The following FBN2 variants were observed in gnomAD, a reference collection of about 807,000 sequenced individuals.
The protein encoded by FBN2 is fibrillin 2, also known as fibrillin-2.
Under a neutral mutation model 355.6 loss-of-function variants are expected in FBN2, and 105 were observed. The observed-to-expected ratio is 0.30, with a 90% confidence interval of 0.25 to 0.35. FBN2 has a LOEUF of 0.35. FBN2 is among the 10% of genes least tolerant of loss of function. The pLI is 1.00. For missense variants in FBN2, 3,280 were observed against 3,758.7 expected, an observed-to-expected ratio of 0.87 and a Z score of 3.33; for synonymous variants, 1,350 against 1,301.2, an observed-to-expected ratio of 1.04 and a Z score of -0.81.
rs772994944 is a variant in FBN2, at chr5:128,300,910, C to T, written c.6073G>A (p.Gly2025Ser). 3.0e-5 allele frequency: 48 copies of T among 1,613,314 alleles called. No homozygotes were observed. In the East Asian group the frequency reaches 6.0e-4, roughly 20 times the overall value. Residue 2025 changes from glycine (G) to serine (S), a missense_variant, in exon 48 of 65, where the codon GGC becomes AGC. By Grantham distance (56) the Gly-to-Ser change is moderately conservative (BLOSUM62 0). This residue lies in a region of FBN2 where 2,284 missense variants were observed against 2,749.5 expected (regional missense o/e 0.83). Transcript: ENST00000262464. ...TGACAGGTACCAGGAGAGCAAGAGC[C>T]GGGAAGGGCGACACACTCATTAGTG... ...IDTNECVALP[G>S]SCSPGTCQNL...
intron 5 of FBN2, among the ~76,000 whole-genome samples, chr5:128,492,622 G>T (rs1400082746): frequency 6.6e-6 from 1 of 151,994 alleles, no homozygotes; most frequent in East Asian, 1.9e-4. Context: ...TGCCAACATG[G>T]CTAGACCCTG....
At chr5:128,526,727 G>A (rs542604380) in intron 4 of FBN2, among the ~76,000 whole-genome samples, 1 of 152,214 alleles carries the variant, frequency 6.6e-6, no homozygotes, top group South Asian at 2.1e-4. Flanking sequence ...CGGGGCAGGG[G>A]AGAGGGAAAT....
At chr5:128,533,885 C>A (rs1344862568) in intron 2 of FBN2, among the ~76,000 whole-genome samples, 1 of 151,376 alleles carries the variant, frequency 6.6e-6, no homozygotes, top group Non-Finnish European at 1.5e-5. Flanking sequence ...GTGAGAAAGT[C>A]AATTCCGTAC....
intron 4 of FBN2, among the ~76,000 whole-genome samples, chr5:128,527,360 T>C (rs1756589051): frequency 6.6e-6 from 1 of 152,132 alleles, no homozygotes; most frequent in African/African-American, 2.4e-5. Flanking sequence ...CATCTGCTTT[T>C]TAAAAATCAT....
intron 18 of FBN2, among the ~76,000 whole-genome samples, chr5:128,363,498 A>C (rs1164467834): frequency 6.6e-6 from 1 of 152,106 alleles, no homozygotes; most frequent in Non-Finnish European, 1.5e-5. Context: ...CTTGCATCAC[A>C]ATTTTTTAAC....
intron 11 of FBN2, among the ~76,000 whole-genome samples, chr5:128,381,539 T>C (rs1054927010): frequency 1.3e-5 from 2 of 152,150 alleles, no homozygotes; most frequent in African/African-American, 4.8e-5. Context: ...ATGTGTTGTT[T>C]ATAAATTCAA....
chr5:128,391,238 T>C (rs1752501863), intron 11 of FBN2, among the ~76,000 whole-genome samples: 1 of 152,134 alleles, frequency 6.6e-6, no homozygotes, highest in Admixed American at 6.5e-5. Flanking sequence ...ATATTCCTCT[T>C]CTTTTCCATC....
At chr5:128,321,464 G>A (rs1750372204) in intron 34 of FBN2, among the ~76,000 whole-genome samples, 1 of 151,978 alleles carries the variant, frequency 6.6e-6, no homozygotes, top group Admixed American at 6.6e-5. Context: ...CCTCCGACAG[G>A]CCCCAGTGTG....
At chr5:128,329,577 C>T (rs1019246065) in intron 33 of FBN2, among the ~76,000 whole-genome samples, 7 of 152,108 alleles carry the variant, frequency 4.6e-5, no homozygotes, top group Admixed American at 1.3e-4. Context: ...GTTGACTGAG[C>T]CAGGATCTGA....
chr5:128,475,066 G>A (rs1754974362), intron 5 of FBN2, among the ~76,000 whole-genome samples: 1 of 152,124 alleles, frequency 6.6e-6, no homozygotes, highest in East Asian at 1.9e-4. Context: ...GCCCAGTGGT[G>A]GTGGTGGTAG....
chr5:128,423,683 G>C (rs1226209906), intron 7 of FBN2, among the ~76,000 whole-genome samples: 2 of 152,152 alleles, frequency 1.3e-5, no homozygotes, highest in African/African-American at 2.4e-5. Context: ...AGTTAGGCTG[G>C]AGAGGTAAAC....
chr5:128,364,958 A>C (rs1323420736), intron 17 of FBN2, among the ~76,000 whole-genome samples: 1 of 152,208 alleles, frequency 6.6e-6, no homozygotes, highest in Non-Finnish European at 1.5e-5. Flanking sequence ...GCTGGCAGAA[A>C]TTCAAAGAGT....
chr5:128,493,331 G>A (rs968523692), intron 5 of FBN2, among the ~76,000 whole-genome samples: 2 of 152,146 alleles, frequency 1.3e-5, no homozygotes, highest in African/African-American at 4.8e-5. Flanking sequence ...TACTGTGGCT[G>A]GAGTTGTGTA....
At chr5:128,320,156 T>C (rs555290051) in intron 34 of FBN2, among the ~76,000 whole-genome samples, 2 of 152,312 alleles carry the variant, frequency 1.3e-5, no homozygotes, top group South Asian at 4.1e-4. Context: ...TTAAGCTAGA[T>C]TACAATTGAA....
chr5:128,426,389 A>G (rs1753484177), intron 7 of FBN2, among the ~76,000 whole-genome samples: 1 of 152,192 alleles, frequency 6.6e-6, no homozygotes, highest in Non-Finnish European at 1.5e-5. Flanking sequence ...TTTTGCCTGT[A>G]GACTTAGGAC....
intron 41 of FBN2, among the ~76,000 whole-genome samples, 171 bp downstream of exon 41, chr5:128,309,076 G>T (rs1749962974): frequency 6.6e-6 from 1 of 152,220 alleles, no homozygotes; most frequent in Non-Finnish European, 1.5e-5. Context: ...TCAGAAGTTA[G>T]TGTTTGAATC....
chr5:128,528,204 AAAAT>A (rs1296924263), intron 3 of FBN2, among the ~76,000 whole-genome samples: 1 of 152,186 alleles, frequency 6.6e-6, no homozygotes, highest in Non-Finnish European at 1.5e-5. Flanking sequence ...ATGTTAAAAA[AAAAT>A]AAACAGAAGG....
intron 3 of FBN2, among the ~76,000 whole-genome samples, chr5:128,529,147 G>A (rs1184159982): frequency 6.6e-6 from 1 of 152,158 alleles, no homozygotes; most frequent in East Asian, 1.9e-4. Context: ...ATGTCAAATG[G>A]GAAAGGGAAT....
intron 27 of FBN2, among the ~76,000 whole-genome samples, chr5:128,336,961 G>A (rs1371671572): frequency 6.6e-6 from 1 of 152,152 alleles, no homozygotes; most frequent in Non-Finnish European, 1.5e-5. Flanking sequence ...ATCACTAAGT[G>A]TATATTATAC....
Sources: allele counts gnomAD v4.1 joint callset (sites outside exome capture counted in the v4.1 genomes callset), GRCh38; gene constraint gnomAD v4.1.1; regional missense constraint gnomAD v4.1.1; transcripts MANE v1.5; gene names NCBI Gene and HGNC (gene_info 2026-07-23, HGNC 2026-07-21).